RPF2: variants seen among roughly 807,000 people sequenced by gnomAD.
The protein encoded by RPF2 is ribosome production factor 2 homolog, also known as brix domain containing 1.
A neutral mutation model predicts 38.9 loss-of-function variants in RPF2; 21 were observed. The observed-to-expected ratio is 0.54, with a 90% CI of 0.38 to 0.78. The LOEUF is 0.78. Among genes scored for constraint, RPF2 ranks in the 30% least tolerant of loss-of-function variants. RPF2 has a pLI of 0.00. For synonymous variants in RPF2, 121 were observed against 126.2 expected (o/e 0.96, Z 0.28); for missense variants, 314 against 358.1 (o/e 0.88, Z 0.99).
intron 4 of RPF2, among the ~76,000 whole-genome samples, chr6:110,992,852 G>T (rs1312053509): frequency 6.6e-6 from 1 of 152,116 alleles, no homozygotes; most frequent in Non-Finnish European, 1.5e-5. Context: ...CAAGGCAGGA[G>T]GATCGCTTGA....
chr6:111,022,133 A>G (rs1281920973), intron 8 of RPF2, among the ~76,000 whole-genome samples: 2 of 152,244 alleles, frequency 1.3e-5, no homozygotes, highest in Non-Finnish European at 2.9e-5. Context: ...CACAATGGTT[A>G]GGCCTTATGG....
chr6:110,984,900 C>A, intron 1 of RPF2, 106 bp from the exon 2 acceptor site: 5 of 1,209,720 alleles, frequency 4.1e-6, no homozygotes, highest in East Asian at 2.5e-5. Context: ...AAGGGTGGAA[C>A]CCTAAGTGAC....
chr6:111,006,875 A>T (rs1213880604), intron 6 of RPF2, among the ~76,000 whole-genome samples: 1 of 151,952 alleles, frequency 6.6e-6, no homozygotes, highest in Non-Finnish European at 1.5e-5. Flanking sequence ...GGAGTTCGAG[A>T]CCGGCCTGAC....
chr6:111,010,738 C>T lies in RPF2; in HGVS notation c.493+2601C>T, dbSNP rs981627617. ...GAAAAATTGATGGGGTATAAAATTA[C>T]GTTGTATGCACATGCTTTACAAATC... On this transcript the variant is annotated intron_variant, in intron 7 of 9. Coordinates refer to ENST00000441448, the MANE Select transcript of RPF2 (RefSeq NM_032194.3). 4.6e-5 allele frequency among the ~76,000 whole-genome samples: 7 copies of T among 152,032 alleles called. No homozygotes were observed. The East Asian group carries it at 5.8e-4, about 13-fold the overall frequency.
intron 6 of RPF2, among the ~76,000 whole-genome samples, chr6:111,005,870 G>A (rs1771898680): frequency 6.6e-6 from 1 of 152,076 alleles, no homozygotes; most frequent in Non-Finnish European, 1.5e-5. Context: ...GGAGTGCTGT[G>A]GCGCTATCTC....
At chr6:111,016,496 C>A (rs1356361755) in intron 8 of RPF2, among the ~76,000 whole-genome samples, 2 of 151,708 alleles carry the variant, frequency 1.3e-5, no homozygotes, top group African/African-American at 2.4e-5. Context: ...GCTCAGAAGG[C>A]TGAGGCACAA....
intron 4 of RPF2, among the ~76,000 whole-genome samples, chr6:110,994,938 T>C (rs1463952424): frequency 6.6e-6 from 1 of 152,088 alleles, no homozygotes; most frequent in Non-Finnish European, 1.5e-5. Flanking sequence ...AGGGTCTCAC[T>C]CTGTCACCCA....
chr6:110,997,294 A>G, intron 5 of RPF2, 30 bp downstream of exon 5: 1 of 1,306,054 alleles, frequency 7.7e-7, no homozygotes. Flanking sequence ...TAATGTTTTC[A>G]CTGATAGAGT....
At chr6:110,995,008 G>A (rs776984739) in intron 4 of RPF2, among the ~76,000 whole-genome samples, 12 of 151,938 alleles carry the variant, frequency 7.9e-5, no homozygotes, top group East Asian at 1.9e-4. Context: ...GGGTTCAAGC[G>A]ATCCTCCCAC....
chr6:110,998,944 CAAAA>C (rs34900246), intron 5 of RPF2, among the ~76,000 whole-genome samples: 41 of 86,194 alleles, frequency 4.8e-4, no homozygotes, highest in African/African-American at 1.4e-3. Context: ...GTCTTCATCT[CAAAA>C]AAAAAAAAAA....
intron 2 of RPF2, among the ~76,000 whole-genome samples, chr6:110,988,073 G>T (rs1771554208): frequency 6.6e-6 from 1 of 152,014 alleles, no homozygotes; most frequent in Non-Finnish European, 1.5e-5. Flanking sequence ...AATTAGCTGG[G>T]CGTGGTGCAT....
intron 9 of RPF2, among the ~76,000 whole-genome samples, chr6:111,024,535 A>C (rs891290020): frequency 6.6e-6 from 1 of 152,032 alleles, no homozygotes; most frequent in Admixed American, 6.6e-5. Context: ...AATACAGTGA[A>C]ACCCCGTCTC....
chr6:111,021,893 A>T (rs1772241020), intron 8 of RPF2, among the ~76,000 whole-genome samples: 1 of 152,204 alleles, frequency 6.6e-6, no homozygotes, highest in Non-Finnish European at 1.5e-5. Context: ...AATGGTTTTG[A>T]GCTTTTTGGA....
At chr6:111,019,975 C>T (rs113659495) in intron 8 of RPF2, among the ~76,000 whole-genome samples, 6,832 of 150,206 alleles carry the variant, frequency 0.045, 185 homozygotes, top group South Asian at 0.07. Context: ...AGTGCAGTGA[C>T]GCAATCTCAG....
At chr6:110,999,920 TA>T in intron 6 of RPF2, 133 bp downstream of exon 6, 1 of 549,244 alleles carries the variant, frequency 1.8e-6, no homozygotes. Context: ...TGCTCCAGGA[TA>T]AAAATACAAT....
intron 9 of RPF2, among the ~76,000 whole-genome samples, chr6:111,024,529 C>T (rs1283096093): frequency 6.6e-6 from 1 of 151,828 alleles, no homozygotes; most frequent in Non-Finnish European, 1.5e-5. Flanking sequence ...CTGGCTAATA[C>T]AGTGAAACCC....
Position 111,015,870 on chromosome 6 carries a change from T to C in RPF2, c.596+14T>C. 6.5e-7 allele frequency: 1 copy of C among 1,536,292 alleles called. No individual in the cohort carries two copies. The highest frequency in any genetic ancestry group is 9.0e-7 in the Non-Finnish European group (1 of 1,109,702). On this transcript the variant is annotated intron_variant, in intron 8 of 9. Transcript: ENST00000441448. The stretch of plus-strand genomic sequence containing the variant: ...TCGAAGCTATAAGTAAGTGCATTTC[T>C]TCACATATTTTCTTAATCCTCAGGG...
intron 8 of RPF2, among the ~76,000 whole-genome samples, chr6:111,016,829 G>A (rs896852300): frequency 6.6e-6 from 1 of 151,364 alleles, no homozygotes; most frequent in Admixed American, 6.6e-5. Flanking sequence ...AGGACCCTGC[G>A]GCCTTCCGCA....
chr6:111,019,909 T>TTTTC (rs1364615642), intron 8 of RPF2, among the ~76,000 whole-genome samples: 57 of 146,126 alleles, frequency 3.9e-4, no homozygotes, highest in African/African-American at 1.2e-3. Flanking sequence ...AACACCTTTC[T>TTTTC]TTTCTTTCTT....
Sources: gnomAD v4.1 joint callset for allele counts (sites outside exome capture counted in the v4.1 genomes callset) on GRCh38, gnomAD v4.1.1 for gene constraint, MANE v1.5 for transcripts, NCBI Gene and HGNC (gene_info 2026-07-23, HGNC 2026-07-21) for gene names.